TTLL2: variants seen among roughly 807,000 people sequenced by gnomAD.
TTLL2 encodes the protein tubulin tyrosine ligase like 2, also known as probable tubulin polyglutamylase TTLL2.
In TTLL2, 10 loss-of-function variants were observed where a neutral mutation model predicts 7.5. That is an observed-to-expected ratio of 1.33 (90% CI 0.82 to 2.25). The LOEUF (loss-of-function observed/expected upper bound fraction) is 2.25, where lower values mean the gene tolerates loss of function less well. Among genes scored for constraint, TTLL2 ranks in the 30% most tolerant of loss-of-function variants. The probability of loss-of-function intolerance (pLI) is 0.00; values close to 1 mark genes in which losing one functional copy is unlikely to be tolerated. For synonymous variants in TTLL2, 284 were observed against 280.3 expected (o/e 1.01, Z -0.13); for missense variants, 733 against 735.7 (o/e 1.00, Z 0.04).
chr6:167,335,310 G>A (rs1346684429), intron 1 of TTLL2, among the ~76,000 whole-genome samples: 1 of 151,142 alleles, frequency 6.6e-6, no homozygotes, highest in African/African-American at 2.5e-5. Flanking sequence ...TCATTAAAAA[G>A]TCAGGAAACA....
At position 167,340,759 on chromosome 6, in the gene TTLL2, C is replaced by T. The variant is rs758761651; in HGVS notation, c.859C>T (p.Leu287Phe). The T allele has an allele frequency of 2.5e-6, 4 of 1,614,130 alleles. No homozygotes were observed. The South Asian group carries it at 3.3e-5, about 13-fold the overall frequency. Residue 287 changes from leucine (L) to phenylalanine (F), a missense_variant, in exon 3 of 3, where the codon CTC becomes TTC. Transcript: ENST00000239587. ...LVRFATEKFD[L>F]SNLQNNYAHL... ...TCGGTTTGCCACGGAAAAGTTTGAC[C>T]TCAGTAATTTGCAAAACAATTATGC... is the stretch of plus-strand genomic sequence containing the variant.
Position 167,326,042 on chromosome 6 carries a change from G to T in TTLL2, c.47+822G>T, listed in dbSNP as rs374631421. Among the ~76,000 whole-genome samples, 3 of 152,258 alleles carry T rather than the reference G, an allele frequency of 2.0e-5. No homozygotes were observed. In the East Asian group the frequency reaches 5.8e-4, roughly 29 times the overall value. ...CATGATGAGGGAAGAGATCACACCT[G>T]CCCATCTCCAGTCTTCAAAGAGGCA... On this transcript the variant is annotated intron_variant, in intron 1 of 2. Transcript: ENST00000239587.
Position 167,325,715 on chromosome 6 carries a change from T to C in TTLL2, c.47+495T>C, listed in dbSNP as rs76064447. Among the ~76,000 whole-genome samples the C allele has an allele frequency of 4.3e-3, 658 of 152,090 alleles. 7 individuals carry two copies. The highest frequency in any genetic ancestry group is 0.015 in the African/African-American group (631 of 41,466). ...TCAGGGCCGAGCAGAATTGTTTCCA[T>C]AGGATAAGTGTGAAGTGGTATGGAC... On this transcript the variant is annotated intron_variant, in intron 1 of 2. Coordinates refer to ENST00000239587, the MANE Select transcript of TTLL2 (RefSeq NM_031949.5).
chr6:167,326,410 G>A (rs1040049612), intron 1 of TTLL2, among the ~76,000 whole-genome samples: 1 of 152,026 alleles, frequency 6.6e-6, no homozygotes, highest in Admixed American at 6.5e-5. Context: ...GGGGTGAAAA[G>A]CATTCTACAT....
chr6:167,339,037 A>G (rs1299950135), intron 2 of TTLL2, among the ~76,000 whole-genome samples: 1 of 103,868 alleles, frequency 9.6e-6, no homozygotes, highest in Non-Finnish European at 2.0e-5. Flanking sequence ...TCCTTCCCTC[A>G]TTTCCTCCTT....
rs138292968 is a variant in TTLL2 at position 167,340,251 on chromosome 6, C to T, written c.351C>T (p.Asn117=). The T allele has an allele frequency of 6.8e-6, 11 of 1,613,992 alleles. No individual in the cohort carries two copies. The highest frequency in any genetic ancestry group is 5.3e-5 in the African/African-American group (4 of 74,872). ...GWNKFDKQEQ[N]AEDWNLYWRT... is the part of the protein sequence containing the mutation. The stretch of plus-strand genomic sequence containing the variant: ...ATAAGTTTGATAAGCAGGAGCAGAA[C>T]GCGGAGGACTGGAACCTGTACTGGA... Residue 117 remains asparagine (N), a synonymous_variant, in exon 3 of 3, where the codon AAC becomes AAT. Transcript: ENST00000239587.
intron 1 of TTLL2, among the ~76,000 whole-genome samples, chr6:167,325,552 G>A (rs1388298239): frequency 2.6e-5 from 4 of 152,148 alleles, no homozygotes; most frequent in African/African-American, 9.7e-5. Context: ...TAAGTTAACT[G>A]CATCCCATAG....
intron 1 of TTLL2, among the ~76,000 whole-genome samples, chr6:167,332,392 C>T (rs978000314): frequency 6.6e-6 from 1 of 152,118 alleles, no homozygotes; most frequent in Non-Finnish European, 1.5e-5. Flanking sequence ...ATGAAGGAAC[C>T]TTTAGACCCA....
At chr6:167,330,075 G>A (rs6923374) in intron 1 of TTLL2, among the ~76,000 whole-genome samples, 12,994 of 152,164 alleles carry the variant, frequency 0.085, 1,483 homozygotes, top group African/African-American at 0.25. Flanking sequence ...TTCACTGAGA[G>A]TAGATATTCT....
rs1779077341 is a variant in TTLL2, at chr6:167,340,831, A to G, written c.931A>G (p.Lys311Glu). 6.2e-7 allele frequency: 1 copy of G among 1,614,046 alleles called. No individual in the cohort carries two copies. ...CAATAAATCCGGGGCCTCTTATGAG[A>G]AGATCAAAGAAGTGATTGGTCATGG... ...SINKSGASYE[K>E]IKEVIGHGCK... The change falls in exon 3 of 3, where the codon AAG (lysine) becomes GAG (glutamate). Residue 311 changes from lysine to glutamate, a missense_variant. Coordinates refer to ENST00000239587, the MANE Select transcript of TTLL2 (RefSeq NM_031949.5).
intron 1 of TTLL2, chr6:167,328,090 C>CTG (rs10661173): frequency 0.054 from 24,497 of 456,126 alleles, 3,021 homozygotes; most frequent in African/African-American, 0.31. Flanking sequence ...TGCTCTGGGG[C>CTG]TCTGTCCTGT....
intron 1 of TTLL2, among the ~76,000 whole-genome samples, chr6:167,334,206 T>C (rs1404499268): frequency 2.0e-5 from 3 of 147,398 alleles, no homozygotes; most frequent in Admixed American, 6.7e-5. Flanking sequence ...ATGTACCCAG[T>C]AGTCATTCAG....
intron 1 of TTLL2, among the ~76,000 whole-genome samples, chr6:167,336,095 G>A (rs1423912902): frequency 6.6e-6 from 1 of 152,042 alleles, no homozygotes; most frequent in Admixed American, 6.5e-5. Context: ...TATTGTGACT[G>A]TGCCATAGTA....
chr6:167,335,788 A>T (rs1400945946), intron 1 of TTLL2, among the ~76,000 whole-genome samples: 1 of 137,132 alleles, frequency 7.3e-6, no homozygotes, highest in Non-Finnish European at 1.5e-5. Context: ...ACATGGACAC[A>T]GGAAGGGGAA....
intron 2 of TTLL2, 77 bp from the exon 3 acceptor site, chr6:167,340,028 G>A (rs1779047888): frequency 1.3e-6 from 2 of 1,487,792 alleles, no homozygotes; most frequent in African/African-American, 1.4e-5. Context: ...AGCACCGGGT[G>A]CACGGTTTCC....
Position 167,340,646 on chromosome 6 carries a change from T to C in TTLL2, c.746T>C (p.Ile249Thr), listed in dbSNP as rs1779071004. Residue 249 changes from isoleucine (I) to threonine (T), a missense_variant, in exon 3 of 3, where the codon ATT (isoleucine) becomes ACT (threonine). Ile to Thr is a moderately conservative substitution (Grantham distance 89). Transcript: ENST00000239587. Reference sequence around the variant, plus strand: ...AAATATATCTCCAATCCTTTACTTATTGGCAGATATAAATGTGATCTCCGC... The same window carrying C: ...AAATATATCTCCAATCCTTTACTTACTGGCAGATATAAATGTGATCTCCGC... ...VQKYISNPLL[I>T]GRYKCDLRIY... The C allele has an allele frequency of 1.9e-6, 3 of 1,614,140 alleles. No homozygotes were observed. Among genetic ancestry groups the C allele is most frequent in the Non-Finnish European group, 2.5e-6 (3 of 1,179,950 alleles).
intron 1 of TTLL2, among the ~76,000 whole-genome samples, chr6:167,326,578 C>T (rs993355233): frequency 2.6e-5 from 4 of 152,132 alleles, no homozygotes; most frequent in Non-Finnish European, 4.4e-5. Context: ...AGCTACTGTG[C>T]GTTCCTACCC....
Position 167,341,404 on chromosome 6 carries a change from A to C in TTLL2, c.1504A>C (p.Arg502=), listed in dbSNP as rs2115228023. The stretch of plus-strand genomic sequence containing the variant: ...TGGGCAGGATTTTCATCTGTCAACA[A>C]GGGAGATGCCACAAAGCAAGCCCAA... ...MSGQDFHLST[R]EMPQSKPKLR... Residue 502 remains arginine (R), a synonymous_variant, in exon 3 of 3, where the codon AGG becomes CGG. Coordinates refer to ENST00000239587, the MANE Select transcript of TTLL2 (RefSeq NM_031949.5). The C allele has an allele frequency of 6.2e-7, 1 of 1,613,932 alleles. No individual in the cohort carries two copies. Among genetic ancestry groups the C allele is most frequent in the Non-Finnish European group, 8.5e-7 (1 of 1,180,018 alleles).
intron 1 of TTLL2, among the ~76,000 whole-genome samples, chr6:167,335,489 A>G (rs1778973207): frequency 6.9e-6 from 1 of 145,226 alleles, no homozygotes; most frequent in Admixed American, 6.8e-5. Context: ...CCAAATGACT[A>G]TAAATCATGC....
Sources: gnomAD v4.1 joint callset for allele counts (sites outside exome capture counted in the v4.1 genomes callset) on GRCh38, gnomAD v4.1.1 for gene constraint, MANE v1.5 for transcripts, NCBI Gene and HGNC (gene_info 2026-07-23, HGNC 2026-07-21) for gene names.